Variants in CACNA1E observed in about 807,000 individuals in gnomAD.
CACNA1E encodes calcium voltage-gated channel subunit alpha1 E.
CACNA1E carries 40 observed loss-of-function variants against 259.2 expected under a neutral mutation model. That is an observed-to-expected ratio of 0.15 (90% CI 0.12 to 0.20). CACNA1E has a LOEUF of 0.20. Among genes scored for constraint, CACNA1E ranks in the 10% least tolerant of loss-of-function variants. CACNA1E has a pLI of 1.00. For synonymous variants in CACNA1E, 1,104 were observed against 1,138.5 expected, an observed-to-expected ratio of 0.97 and a Z score of 0.61; for missense variants, 1,874 against 3,040.1, an observed-to-expected ratio of 0.62 and a Z score of 9.02.
intron 3 of CACNA1E, among the ~76,000 whole-genome samples, chr1:181,568,520 T>C (rs1292800422): frequency 6.6e-6 from 1 of 152,176 alleles, no homozygotes; most frequent in Non-Finnish European, 1.5e-5. Context: ...CCAGGCTTGG[T>C]CCAAAACATT....
intron 6 of CACNA1E, among the ~76,000 whole-genome samples, chr1:181,610,794 G>A (rs1654689309): frequency 6.6e-6 from 1 of 152,180 alleles, no homozygotes; most frequent in Non-Finnish European, 1.5e-5. Flanking sequence ...ATGCACAACA[G>A]CATGCAGTTT....
intron 25 of CACNA1E, among the ~76,000 whole-genome samples, chr1:181,743,140 G>T (rs887096365): frequency 4.6e-5 from 7 of 152,130 alleles, no homozygotes; most frequent in African/African-American, 1.7e-4. Context: ...TTGGGTTCAG[G>T]GCTTCGTTAT....
At chr1:181,391,196 G>A (rs1214324404) in intron 1 of CACNA1E, among the ~76,000 whole-genome samples, 5 of 152,184 alleles carry the variant, frequency 3.3e-5, no homozygotes, top group African/African-American at 4.8e-5. Flanking sequence ...ACCTAAGGGT[G>A]GTTTAAAATT....
chr1:181,449,719 G>A (rs1230894759), intron 2 of CACNA1E, among the ~76,000 whole-genome samples: 5 of 152,182 alleles, frequency 3.3e-5, no homozygotes, highest in African/African-American at 1.2e-4. Flanking sequence ...ATCCACAGAT[G>A]ACCTTATGTG....
At chr1:181,697,870 C>G (rs999364090) in intron 7 of CACNA1E, among the ~76,000 whole-genome samples, 20 of 152,208 alleles carry the variant, frequency 1.3e-4, no homozygotes, top group African/African-American at 4.6e-4. Context: ...AAGAGCAGAT[C>G]TACTGTTGCC....
At chr1:181,411,007 A>G (rs547020870) in intron 1 of CACNA1E, among the ~76,000 whole-genome samples, 14 of 152,338 alleles carry the variant, frequency 9.2e-5, no homozygotes, top group African/African-American at 3.4e-4. Flanking sequence ...CACTGGTTGA[A>G]TGATCTGGAG....
Position 181,579,214 on chromosome 1 carries a change from G to A in CACNA1E, c.759G>A (p.Met253Ile), listed in dbSNP as rs1460631578. 1 of 1,612,482 alleles carries A rather than the reference G, an allele frequency of 6.2e-7. No individual in the cohort carries two copies. Among genetic ancestry groups the A allele is most frequent in the Non-Finnish European group, 8.5e-7 (1 of 1,179,312 alleles). Residue 253 changes from methionine to isoleucine, a missense_variant, in exon 5 of 48, where the codon ATG becomes ATA. By Grantham distance (10) the Met-to-Ile change is conservative. Around this residue, in one of 14 missense-constraint regions of CACNA1E, gnomAD observed 28 missense variants for 64.6 expected, o/e 0.43. Coordinates refer to ENST00000367573, the MANE Select transcript of CACNA1E (RefSeq NM_001205293.3). ...YSGKLHRACF[M>I]NNSGILEGFD... ...GCAAGTTACATCGAGCATGCTTCAT[G>A]AACAATTCAGGTAGGGTCGTTCTTT...
chr1:181,541,496 G>A (rs539117769), intron 3 of CACNA1E, among the ~76,000 whole-genome samples: 16 of 152,088 alleles, frequency 1.1e-4, no homozygotes, highest in South Asian at 8.3e-4. Flanking sequence ...TAACAGGATC[G>A]TTGAGAGCAG....
intron 43 of CACNA1E, among the ~76,000 whole-genome samples, chr1:181,789,922 C>T (rs1661150631): frequency 6.6e-6 from 1 of 152,254 alleles, no homozygotes; most frequent in South Asian, 2.1e-4. Context: ...AGTTCATGAA[C>T]CAACAGACTT....
intron 1 of CACNA1E, among the ~76,000 whole-genome samples, chr1:181,332,976 G>T (rs1002912107): frequency 2.0e-5 from 3 of 152,144 alleles, no homozygotes; most frequent in Admixed American, 6.5e-5. Flanking sequence ...CTACTAGGTG[G>T]AAAGGCAGGC....
intron 1 of CACNA1E, among the ~76,000 whole-genome samples, chr1:181,384,946 C>T (rs1290407402): frequency 6.6e-6 from 1 of 152,064 alleles, no homozygotes; most frequent in African/African-American, 2.4e-5. Context: ...TCCTCTTTAC[C>T]AATGATTAAG....
rs1355594167 is a variant in CACNA1E, at chr1:181,718,079, G to T, written c.1550G>T (p.Gly517Val). Residue 517 changes from glycine (G) to valine (V), a missense_variant, in exon 12 of 48, where the codon GGA (glycine) becomes GTA (valine). Physicochemically the swap from Gly to Val is moderately radical, Grantham distance 109. Coordinates refer to ENST00000367573, the MANE Select transcript of CACNA1E (RefSeq NM_001205293.3). Reference protein sequence around the residue: ...LLYYAEFLFLGLFLLEMSLKM... With the variant: ...LLYYAEFLFLVLFLLEMSLKM... ...GACTATGCAGAATTTCTGTTTCTGGGACTCTTCCTCTTGGAGATGTCCCTG... is the reference window on the plus strand; with the variant it reads ...GACTATGCAGAATTTCTGTTTCTGGTACTCTTCCTCTTGGAGATGTCCCTG... The T allele has an allele frequency of 1.9e-6, 3 of 1,599,256 alleles. No homozygotes were observed.
chr1:181,683,865 T>A (rs2102279779), intron 7 of CACNA1E, among the ~76,000 whole-genome samples: 1 of 152,332 alleles, frequency 6.6e-6, no homozygotes, highest in South Asian at 2.1e-4. Context: ...TGATTTCATG[T>A]CTTTCCTGTT....
At chr1:181,752,703 AG>A (rs1189104600) in intron 27 of CACNA1E, among the ~76,000 whole-genome samples, 2 of 152,216 alleles carry the variant, frequency 1.3e-5, no homozygotes, top group Non-Finnish European at 2.9e-5. Context: ...CATAATTTTG[AG>A]GCACAGATAG....
At chr1:181,536,645 T>C (rs1006064004) in intron 3 of CACNA1E, among the ~76,000 whole-genome samples, 8 of 152,232 alleles carry the variant, frequency 5.3e-5, no homozygotes, top group Non-Finnish European at 1.2e-4. Flanking sequence ...CTTTCTACCA[T>C]GTCTGTTTGT....
intron 44 of CACNA1E, among the ~76,000 whole-genome samples, chr1:181,790,921 CCT>C: frequency 6.6e-6 from 1 of 152,316 alleles, no homozygotes; most frequent in Admixed American, 6.5e-5. Flanking sequence ...ACCAACCCTG[CCT>C]CTTAGTGTAG....
At chr1:181,426,493 A>T (rs1490973220) in intron 2 of CACNA1E, among the ~76,000 whole-genome samples, 1 of 116,506 alleles carries the variant, frequency 8.6e-6, no homozygotes, top group African/African-American at 3.4e-5. Flanking sequence ...CATTCCCTTC[A>T]AAACTCAACC....
chr1:181,691,290 A>T (rs1012052468), intron 7 of CACNA1E, among the ~76,000 whole-genome samples: 10 of 151,746 alleles, frequency 6.6e-5, no homozygotes, highest in Non-Finnish European at 1.3e-4. Flanking sequence ...ATTTGGTCAG[A>T]TTTTTACTTA....
chr1:181,489,085 G>T (rs952938065), intron 1 of CACNA1E, among the ~76,000 whole-genome samples: 4 of 152,196 alleles, frequency 2.6e-5, no homozygotes, highest in African/African-American at 9.7e-5. Context: ...GCACAGGGCT[G>T]CCTGGAAAGC....
Sources: gnomAD v4.1 joint callset for allele counts (sites outside exome capture counted in the v4.1 genomes callset) on GRCh38, gnomAD v4.1.1 for gene constraint, gnomAD v4.1.1 regional missense constraint, MANE v1.5 for transcripts, NCBI Gene and HGNC (gene_info 2026-07-23, HGNC 2026-07-21) for gene names.